KIF11: variants seen among roughly 807,000 people sequenced by gnomAD.
The protein encoded by KIF11 is kinesin-like protein KIF11.
Under a neutral mutation model 121.0 loss-of-function variants are expected in KIF11, and 9 were observed. The ratio of observed to expected loss-of-function variants is 0.07; its 90% CI spans 0.04 to 0.13. The LOEUF is 0.13. Ranked by LOEUF, KIF11 falls within the 10% of genes least tolerant of loss-of-function variation. The pLI, the probability that KIF11 is intolerant of heterozygous loss-of-function variation, is 1.00. For missense variants in KIF11, 846 were observed against 1,217.5 expected (o/e 0.69, Z 4.54); for synonymous variants, 408 against 421.0 (o/e 0.97, Z 0.38).
intron 13 of KIF11, 108 bp from the exon 14 acceptor site, chr10:92,633,515 C>T: frequency 1.3e-6 from 1 of 753,040 alleles, no homozygotes; most frequent in Non-Finnish European, 2.2e-6. Flanking sequence ...CTCGTTATTA[C>T]AAATTCTACA....
chr10:92,635,036 G>A (rs890693541), intron 14 of KIF11, among the ~76,000 whole-genome samples: 1 of 152,112 alleles, frequency 6.6e-6, no homozygotes, highest in Admixed American at 6.5e-5. Context: ...CTTCATACTT[G>A]ATTTATATAT....
chr10:92,631,821 G>T (rs537247686), intron 12 of KIF11, among the ~76,000 whole-genome samples: 1 of 151,744 alleles, frequency 6.6e-6, no homozygotes, highest in East Asian at 1.9e-4. Context: ...GATTACAAGC[G>T]CCTGCCACCA....
chr10:92,655,365 C>T lies in KIF11; in HGVS notation c.*1569C>T, dbSNP rs1176102183. 6.6e-6 allele frequency: 1 copy of T among 152,096 alleles called. No individual in the cohort carries two copies. Among genetic ancestry groups the T allele is most frequent in the African/African-American group, 2.4e-5 (1 of 41,402 alleles). 9.4% of individuals were successfully genotyped at this position (152,096 alleles called of 1,614,324 possible). On this transcript the variant is annotated 3_prime_UTR_variant, in exon 22 of 22. Coordinates refer to ENST00000260731, the MANE Select transcript of KIF11 (RefSeq NM_004523.4). ...ACCTAATAAACTGCCCTCAGTAAAT[C>T]CATGGTTAATAAATGTGGTTTCTAC...
chr10:92,609,285 AGAGAGAGAGAGAGAGAGAGT>A lies in KIF11; in HGVS notation c.573+82_574-79del, dbSNP rs920173136. Reference sequence around the variant, plus strand: ...AGAAGTCAGAGAGAGAGAGAGAGAGAGAGAGAGAGAGAGAGAGAGTGTGTGTGTGTGTGTGTGTGTGTGTG... The same window carrying A: ...AGAAGTCAGAGAGAGAGAGAGAGAGAGTGTGTGTGTGTGTGTGTGTGTGTG... On this transcript the variant is annotated intron_variant, in intron 5 of 21. Coordinates refer to ENST00000260731, the MANE Select transcript of KIF11 (RefSeq NM_004523.4). 9 of 1,312,102 alleles carry A rather than the reference AGAGAGAGAGAGAGAGAGAGT, an allele frequency of 6.9e-6. No individual in the cohort carries two copies. In the Admixed American group the frequency reaches 1.1e-4, roughly 17 times the overall value. 81.3% of individuals were successfully genotyped at this position (1,312,102 alleles called of 1,614,324 possible).
intron 14 of KIF11, 68 bp from the exon 15 acceptor site, chr10:92,637,116 C>T: frequency 8.6e-7 from 1 of 1,167,258 alleles, no homozygotes; most frequent in Non-Finnish European, 1.2e-6. Context: ...TTTAAGATAT[C>T]ATTTAGAAAG....
Position 92,645,482 on chromosome 10 carries a change from A to T in KIF11, c.2387A>T (p.Glu796Val). 6.2e-7 allele frequency: 1 copy of T among 1,614,132 alleles called. No individual in the cohort carries two copies. Among genetic ancestry groups the T allele is most frequent in the Non-Finnish European group, 8.5e-7 (1 of 1,179,970 alleles). ...CAAGAAGGTACAAAATTGGTTGAAG[A>T]ATCTGTGAAACACTCTGATAAACTC... ...FNQEGTKLVE[E>V]SVKHSDKLNG... Residue 796 changes from glutamate to valine, a missense_variant, in exon 18 of 22, where the codon GAA becomes GTA. Physicochemically the swap from Glu to Val is moderately radical, Grantham distance 121. Transcript: ENST00000260731.
intron 1 of KIF11, among the ~76,000 whole-genome samples, chr10:92,597,994 C>G (rs564718532): frequency 2.8e-4 from 42 of 152,114 alleles, no homozygotes; most frequent in Non-Finnish European, 4.9e-4. Context: ...GCTTTATTGC[C>G]CAGACTTGTT....
intron 1 of KIF11, among the ~76,000 whole-genome samples, chr10:92,595,627 T>A (rs780935288): frequency 3.3e-5 from 5 of 152,184 alleles, no homozygotes; most frequent in African/African-American, 4.8e-5. Flanking sequence ...TACAGTTCAG[T>A]GATATTAAAT....
chr10:92,611,863 C>T (rs1844500968), intron 6 of KIF11, among the ~76,000 whole-genome samples: 1 of 152,106 alleles, frequency 6.6e-6, no homozygotes, highest in South Asian at 2.1e-4. Context: ...CATGCCATTG[C>T]ACTCTAGCCT....
Position 92,593,436 on chromosome 10 carries a change from G to A in KIF11, c.61G>A (p.Val21Met). Reference protein sequence around the residue: ...KKEEKGKNIQVVVRCRPFNLA... With the variant: ...KKEEKGKNIQMVVRCRPFNLA... ...AGAGGAGAAGGGGAAGAACATCCAG[G>A]TGGTGGTGAGATGCAGGTAGGGAGA... The change falls in exon 1 of 22, where the codon GTG becomes ATG. Residue 21 changes from valine to methionine, a missense_variant. Coordinates refer to ENST00000260731, the MANE Select transcript of KIF11 (RefSeq NM_004523.4). The A allele has an allele frequency of 6.2e-7, 1 of 1,610,520 alleles. No homozygotes were observed. The highest frequency in any genetic ancestry group is 8.5e-7 in the Non-Finnish European group (1 of 1,178,638).
At position 92,609,301 on chromosome 10, in the gene KIF11, A is replaced by AGAGT. The variant is rs1554859635; in HGVS notation, c.574-82_574-79dup. 17,238 of 594,788 alleles carry AGAGT rather than the reference A, an allele frequency of 0.029. 301 individuals are homozygous for AGAGT. Among genetic ancestry groups the AGAGT allele is most frequent in the Non-Finnish European group, 0.031 (14,217 of 454,680 alleles). 36.8% of individuals were successfully genotyped at this position (594,788 alleles called of 1,614,324 possible). A position where few individuals can be genotyped will look rare whatever the true frequency, so the allele number is the denominator to read the frequency against. Reference sequence around the variant, plus strand: ...GAGAGAGAGAGAGAGAGAGAGAGAGAGAGTGTGTGTGTGTGTGTGTGTGTG... The same window carrying AGAGT: ...GAGAGAGAGAGAGAGAGAGAGAGAGAGAGTGAGTGTGTGTGTGTGTGTGTGTGTG... On this transcript the variant is annotated intron_variant, in intron 5 of 21. Coordinates refer to ENST00000260731, the MANE Select transcript of KIF11 (RefSeq NM_004523.4).
At chr10:92,644,787 C>A (rs17107776) in intron 17 of KIF11, among the ~76,000 whole-genome samples, 1 of 152,060 alleles carries the variant, frequency 6.6e-6, no homozygotes, top group South Asian at 2.1e-4. Context: ...GGGCAACTTA[C>A]CGAGATGGAA....
chr10:92,637,337 C>A (rs765551464), intron 15 of KIF11, 28 bp downstream of exon 15: 2 of 1,582,144 alleles, frequency 1.3e-6, no homozygotes, highest in African/African-American at 1.4e-5. Context: ...CTTAATATCT[C>A]AAAATTGATG....
At chr10:92,605,027 A>G (rs1188792097) in intron 1 of KIF11, among the ~76,000 whole-genome samples, 1 of 151,892 alleles carries the variant, frequency 6.6e-6, no homozygotes, top group African/African-American at 2.4e-5. Flanking sequence ...AAAAAAAAAG[A>G]TAAGAGAGGT....
intron 10 of KIF11, among the ~76,000 whole-genome samples, chr10:92,626,917 G>A (rs975677340): frequency 2.0e-5 from 3 of 152,044 alleles, no homozygotes; most frequent in South Asian, 2.1e-4. Context: ...CCGCCACCAC[G>A]CCCTGCTAAT....
intron 10 of KIF11, among the ~76,000 whole-genome samples, chr10:92,625,787 T>G (rs549461306): frequency 2.7e-4 from 41 of 152,126 alleles, no homozygotes; most frequent in Non-Finnish European, 4.9e-4. Flanking sequence ...ACCAATAATG[T>G]CCAAGCTGAG....
Position 92,630,223 on chromosome 10 carries a change from A to G in KIF11, c.1353A>G (p.Lys451=), listed in dbSNP as rs1844721666. ...MDNKNELDQC[K]SDLQNKTQEL... The stretch of plus-strand genomic sequence containing the variant: ...ATAAAAATGAACTTGACCAGTGTAA[A>G]TCTGACCTGCAAAATAAAACACAAG... Residue 451 remains lysine (K), a synonymous_variant, in exon 12 of 22, where the codon AAA becomes AAG. Coordinates refer to ENST00000260731, the MANE Select transcript of KIF11 (RefSeq NM_004523.4). The G allele has an allele frequency of 6.2e-7, 1 of 1,606,836 alleles. No individual in the cohort carries two copies. Among genetic ancestry groups the G allele is most frequent in the South Asian group, 1.1e-5 (1 of 89,714 alleles).
chr10:92,641,343 A>AGAACTT (rs11282830), intron 17 of KIF11, among the ~76,000 whole-genome samples: 2 of 151,922 alleles, frequency 1.3e-5, no homozygotes. Flanking sequence ...TTTGGTGGGA[A>AGAACTT]GTAGTCTTTA....
At chr10:92,652,432 G>A (rs529897293) in intron 21 of KIF11, among the ~76,000 whole-genome samples, 75 of 152,196 alleles carry the variant, frequency 4.9e-4, no homozygotes, top group African/African-American at 5.3e-4. Context: ...GAGCCACCGC[G>A]CTCGGCCTGT....
Sources: allele counts gnomAD v4.1 joint callset (sites outside exome capture counted in the v4.1 genomes callset), GRCh38; gene constraint gnomAD v4.1.1; transcripts MANE v1.5; gene names NCBI Gene and HGNC (gene_info 2026-07-23, HGNC 2026-07-21).